NMT2: variants seen among roughly 807,000 people sequenced by gnomAD.
NMT2 encodes N-myristoyltransferase 2.
Under a neutral mutation model 65.4 loss-of-function variants are expected in NMT2, and 35 were observed. The observed-to-expected ratio is 0.54, with a 90% CI of 0.41 to 0.71. The LOEUF is 0.71. Among genes scored for constraint, NMT2 ranks in the 30% least tolerant of loss-of-function variants. NMT2 has a pLI of 0.00. For synonymous variants in NMT2, 226 were observed against 231.8 expected (o/e 0.98, Z 0.23); for missense variants, 489 against 611.3 (o/e 0.80, Z 2.11).
intron 3 of NMT2, among the ~76,000 whole-genome samples, chr10:15,134,212 A>T (rs1846390043): frequency 6.6e-6 from 1 of 152,136 alleles, no homozygotes; most frequent in Non-Finnish European, 1.5e-5. Context: ...TTCCACCAAG[A>T]AGAGTTTTCC....
chr10:15,131,509 G>A (rs1399402717), intron 6 of NMT2, among the ~76,000 whole-genome samples: 1 of 152,042 alleles, frequency 6.6e-6, no homozygotes, highest in Non-Finnish European at 1.5e-5. Context: ...TCATCCTGGT[G>A]CAGAATCTGA....
intron 1 of NMT2, among the ~76,000 whole-genome samples, chr10:15,161,572 C>T (rs528740203): frequency 2.0e-5 from 3 of 152,078 alleles, no homozygotes; most frequent in Admixed American, 6.6e-5. Flanking sequence ...GTTGTCCAGG[C>T]TGGTCTCGAA....
chr10:15,161,306 A>T (rs989144849), intron 1 of NMT2, among the ~76,000 whole-genome samples: 3 of 152,052 alleles, frequency 2.0e-5, no homozygotes, highest in African/African-American at 7.2e-5. Context: ...AAAAAAAATC[A>T]TGTGAGAATG....
chr10:15,158,315 C>CAA (rs112874536), intron 1 of NMT2, among the ~76,000 whole-genome samples: 13 of 111,158 alleles, frequency 1.2e-4, no homozygotes, highest in Non-Finnish European at 1.7e-4. Context: ...TACTCTGTCT[C>CAA]AAAAAAAAAA....
intron 8 of NMT2, among the ~76,000 whole-genome samples, chr10:15,126,802 C>T (rs1846087097): frequency 6.6e-6 from 1 of 152,214 alleles, no homozygotes; most frequent in African/African-American, 2.4e-5. Flanking sequence ...TTCTGGCCCA[C>T]AGAAGCTGTG....
At chr10:15,117,847 C>T (rs191650807) in intron 9 of NMT2, among the ~76,000 whole-genome samples, 49 of 152,254 alleles carry the variant, frequency 3.2e-4, no homozygotes, top group Middle Eastern at 3.4e-3. Context: ...GATCTGGATG[C>T]TCTTAGAGAA....
intron 2 of NMT2, 170 bp downstream of exon 2, chr10:15,141,252 G>C: frequency 3.3e-6 from 3 of 911,778 alleles, no homozygotes; most frequent in Non-Finnish European, 3.3e-6. Context: ...CGTTATTTGG[G>C]TGCCAAAGTC....
At chr10:15,147,371 G>A (rs1159031206) in intron 1 of NMT2, among the ~76,000 whole-genome samples, 3 of 151,980 alleles carry the variant, frequency 2.0e-5, no homozygotes. Context: ...GTATTTTCAT[G>A]CATTTTTGAA....
intron 9 of NMT2, among the ~76,000 whole-genome samples, chr10:15,118,727 G>A (rs1564562750): frequency 6.6e-6 from 1 of 152,198 alleles, no homozygotes; most frequent in African/African-American, 2.4e-5. Flanking sequence ...CTCATCAGGT[G>A]GGCCTAAATA....
intron 8 of NMT2, among the ~76,000 whole-genome samples, chr10:15,127,686 T>C (rs1846142039): frequency 6.6e-6 from 1 of 151,538 alleles, no homozygotes; most frequent in Non-Finnish European, 1.5e-5. Flanking sequence ...GCGGTTCACT[T>C]GAGGTCAGGA....
chr10:15,168,476 C>G, intron 1 of NMT2, 27 bp downstream of exon 1: 2 of 1,550,060 alleles, frequency 1.3e-6, no homozygotes, highest in South Asian at 1.1e-5. Context: ...CCCTGTCGCG[C>G]CCGGTGCGCC....
chr10:15,159,539 T>C (rs1477731608), intron 1 of NMT2, among the ~76,000 whole-genome samples: 1 of 152,140 alleles, frequency 6.6e-6, no homozygotes, highest in East Asian at 1.9e-4. Flanking sequence ...CAAGCAATTC[T>C]GCCTCAGCCT....
At chr10:15,165,180 T>C (rs769123077) in intron 1 of NMT2, among the ~76,000 whole-genome samples, 6 of 137,624 alleles carry the variant, frequency 4.4e-5, no homozygotes, top group Non-Finnish European at 9.2e-5. Flanking sequence ...AAAAAAAAAA[T>C]CATCCTCCAG....
chr10:15,120,732 A>C (rs1223979788), intron 8 of NMT2, among the ~76,000 whole-genome samples: 1 of 152,220 alleles, frequency 6.6e-6, no homozygotes, highest in Admixed American at 6.5e-5. Flanking sequence ...GGAGTGAATC[A>C]TATCAGGCTG....
chr10:15,159,658 C>T (rs185186660), intron 1 of NMT2, among the ~76,000 whole-genome samples: 1 of 152,190 alleles, frequency 6.6e-6, no homozygotes, highest in Non-Finnish European at 1.5e-5. Context: ...GAACTACTGA[C>T]CTCAGGTGAT....
At chr10:15,161,765 T>C (rs1254873694) in intron 1 of NMT2, among the ~76,000 whole-genome samples, 1 of 152,078 alleles carries the variant, frequency 6.6e-6, no homozygotes. Context: ...ATGTAATAGT[T>C]AAGAAAAAAG....
At position 15,158,002 on chromosome 10, in the gene NMT2, T is replaced by C. The variant is rs527812092; in HGVS notation, c.110+10501A>G. ...TAAGCCACAATCTCTTCATTTGTTA[T>C]TGTAATGAGTCAACCAGGGAAAATA... On this transcript the variant is annotated intron_variant, in intron 1 of 11. Coordinates refer to ENST00000378165, the MANE Select transcript of NMT2 (RefSeq NM_004808.3). 5.3e-5 allele frequency among the ~76,000 whole-genome samples: 8 copies of C among 152,270 alleles called. No homozygotes were observed. In the South Asian group the frequency reaches 1.0e-3, roughly 20 times the overall value.
intron 1 of NMT2, among the ~76,000 whole-genome samples, chr10:15,147,625 C>T (rs539193211): frequency 6.6e-6 from 1 of 152,000 alleles, no homozygotes; most frequent in African/African-American, 2.4e-5. Flanking sequence ...TTTGCTGCAT[C>T]CCACAACATG....
At chr10:15,130,018 C>G in intron 7 of NMT2, 124 bp downstream of exon 7, 3 of 699,174 alleles carry the variant, frequency 4.3e-6, no homozygotes, top group Non-Finnish European at 6.4e-6. Context: ...GAATACTGGA[C>G]TTGGTGATTC....
Sources: allele counts gnomAD v4.1 joint callset (sites outside exome capture counted in the v4.1 genomes callset), GRCh38; gene constraint gnomAD v4.1.1; transcripts MANE v1.5; gene names NCBI Gene and HGNC (gene_info 2026-07-23, HGNC 2026-07-21).